The following TNRC6A variants were observed in gnomAD, a reference collection of about 807,000 sequenced individuals.
The protein encoded by TNRC6A is trinucleotide repeat containing adaptor 6A.
Under a neutral mutation model 221.2 loss-of-function variants are expected in TNRC6A, and 44 were observed. That is an observed-to-expected ratio of 0.20 (90% CI 0.16 to 0.26). The LOEUF is 0.26. TNRC6A is among the 10% of genes least tolerant of loss of function. The pLI is 1.00. For missense variants in TNRC6A, 2,199 were observed against 2,404.4 expected, an observed-to-expected ratio of 0.91 and a Z score of 1.79; for synonymous variants, 847 against 838.5, an observed-to-expected ratio of 1.01 and a Z score of -0.18.
In TNRC6A at chr16:24,816,953, A is replaced by G; in HGVS notation, c.4969A>G (p.Ser1657Gly). 2 of 1,612,682 alleles carry G rather than the reference A, an allele frequency of 1.2e-6. No homozygotes were observed. The highest frequency in any genetic ancestry group is 1.7e-6 in the Non-Finnish European group (2 of 1,179,552). The change falls in exon 20 of 25, where the codon AGT becomes GGT. Residue 1657 changes from serine to glycine, a missense_variant. Coordinates refer to ENST00000395799, the MANE Select transcript of TNRC6A (RefSeq NM_014494.4). Reference protein sequence around the residue: ...REVDHLRDRNSGSSSSLNTTL... With the variant: ...REVDHLRDRNGGSSSSLNTTL... ...AGTTGACCACCTCAGGGACAGGAAC[A>G]GTGGTACGTAGGGGGTGCAAATCAA...
At chr16:24,681,228 T>C (rs986141221) in intron 2 of TNRC6A, among the ~76,000 whole-genome samples, 1 of 152,130 alleles carries the variant, frequency 6.6e-6, no homozygotes, top group Non-Finnish European at 1.5e-5. Context: ...TAACTTGGTG[T>C]TTTTTGTTTG....
At chr16:24,712,823 G>A (rs115607349) in intron 2 of TNRC6A, among the ~76,000 whole-genome samples, 4,566 of 151,948 alleles carry the variant, frequency 0.03, 235 homozygotes, top group African/African-American at 0.1. Flanking sequence ...GCACAAACAC[G>A]GCTAACTGCA....
intron 5 of TNRC6A, chr16:24,778,383 C>A: frequency 1.0e-6 from 1 of 984,330 alleles, no homozygotes; most frequent in African/African-American, 1.7e-5. Context: ...CAAGATCTGT[C>A]TGACTCCAAA....
chr16:24,806,752 C>T lies in TNRC6A; in HGVS notation c.4508C>T (p.Ser1503Leu). ...HTTPELQKGP[S>L]PINAFSNFPI... ...ACACCTGAGCTGCAAAAAGGGCCAT[C>T]ACCAATAAATGCTTTCAGCAACTTC... Residue 1503 changes from serine (S) to leucine (L), a missense_variant, in exon 17 of 25, where the codon TCA becomes TTA. Physicochemically the swap from Ser to Leu is moderately radical, Grantham distance 145 (BLOSUM62 -2). Transcript: ENST00000395799. 2 of 1,614,198 alleles carry T rather than the reference C, an allele frequency of 1.2e-6. No homozygotes were observed. Among genetic ancestry groups the T allele is most frequent in the South Asian group, 2.2e-5 (2 of 91,084 alleles).
chr16:24,702,389 G>C (rs545318567), intron 2 of TNRC6A, among the ~76,000 whole-genome samples: 1 of 151,728 alleles, frequency 6.6e-6, no homozygotes, highest in African/African-American at 2.4e-5. Flanking sequence ...TGTTGCCTAA[G>C]CTTGTCTTGA....
chr16:24,683,435 C>T (rs763631205), intron 2 of TNRC6A, among the ~76,000 whole-genome samples: 4 of 152,112 alleles, frequency 2.6e-5, no homozygotes, highest in African/African-American at 4.8e-5. Flanking sequence ...TGTGCTCAAG[C>T]GATCCTCCCA....
At chr16:24,792,809 G>T (rs2058138037) in intron 6 of TNRC6A, among the ~76,000 whole-genome samples, 1 of 135,322 alleles carries the variant, frequency 7.4e-6, no homozygotes. Flanking sequence ...TTTTTTTGGA[G>T]ATGGAGGCTT....
chr16:24,779,493 C>G (rs1420184389), intron 5 of TNRC6A, among the ~76,000 whole-genome samples: 1 of 152,062 alleles, frequency 6.6e-6, no homozygotes, highest in African/African-American at 2.4e-5. Flanking sequence ...CAAAATAGAC[C>G]AGGAGAGTCA....
At position 24,822,939 on chromosome 16, in the gene TNRC6A, C is replaced by T. The variant is rs200242590; in HGVS notation, c.5439C>T (p.Asn1813=). The T allele has an allele frequency of 1.5e-5, 24 of 1,614,232 alleles. No homozygotes were observed. The highest frequency in any genetic ancestry group is 1.8e-5 in the Non-Finnish European group (21 of 1,180,050). ...QHGPLITFHL[N]LPHGNALVRY... The stretch of plus-strand genomic sequence containing the variant: ...GCCCGCTGATCACATTCCACCTGAA[C>T]CTCCCTCACGGAAATGCTCTGGTCC... The change falls in exon 24 of 25, where the codon AAC becomes AAT. Residue 1813 remains asparagine (N), a synonymous_variant. Coordinates refer to ENST00000395799, the MANE Select transcript of TNRC6A (RefSeq NM_014494.4).
At chr16:24,748,556 CT>C (rs1043123619) in intron 2 of TNRC6A, among the ~76,000 whole-genome samples, 7 of 152,288 alleles carry the variant, frequency 4.6e-5, no homozygotes, top group Non-Finnish European at 8.8e-5. Flanking sequence ...TTATCATACT[CT>C]TCTTCCAGTT....
At chr16:24,677,497 T>A (rs1161211544) in intron 2 of TNRC6A, among the ~76,000 whole-genome samples, 1 of 152,108 alleles carries the variant, frequency 6.6e-6, no homozygotes, top group Admixed American at 6.6e-5. Context: ...TGGAAAGGCA[T>A]CAGAATCTAC....
At chr16:24,645,226 C>A (rs893380026) in intron 2 of TNRC6A, among the ~76,000 whole-genome samples, 13 of 151,338 alleles carry the variant, frequency 8.6e-5, no homozygotes, top group Non-Finnish European at 1.5e-4. Context: ...TCTGTCCAGG[C>A]TGGGCACAGT....
chr16:24,761,598 G>T (rs1244943644), intron 4 of TNRC6A, among the ~76,000 whole-genome samples: 5 of 151,940 alleles, frequency 3.3e-5, no homozygotes, highest in Non-Finnish European at 7.4e-5. Flanking sequence ...TCGCTCTGGA[G>T]TGTAGTGCAC....
intron 2 of TNRC6A, among the ~76,000 whole-genome samples, chr16:24,648,437 AT>A (rs764987991): frequency 9.9e-5 from 15 of 151,686 alleles, no homozygotes; most frequent in Non-Finnish European, 2.1e-4. Flanking sequence ...CGCCTGGCTA[AT>A]TTTTTGTATT....
intron 5 of TNRC6A, among the ~76,000 whole-genome samples, chr16:24,781,234 T>A (rs2057839164): frequency 6.6e-6 from 1 of 151,618 alleles, no homozygotes; most frequent in Non-Finnish European, 1.5e-5. Flanking sequence ...AATTTTTGTG[T>A]GTTTTGTAGA....
intron 2 of TNRC6A, among the ~76,000 whole-genome samples, chr16:24,687,940 TTTTCTTTTC>T: frequency 7.7e-6 from 1 of 130,616 alleles, no homozygotes; most frequent in East Asian, 2.1e-4. Flanking sequence ...TTTTCTTTTC[TTTTCTTTTC>T]TTTTCTTTTT....
chr16:24,668,663 C>T (rs752294082), intron 2 of TNRC6A, among the ~76,000 whole-genome samples: 10 of 152,178 alleles, frequency 6.6e-5, no homozygotes, highest in Non-Finnish European at 1.2e-4. Context: ...ACTTCTTACC[C>T]TGCCTTTCCC....
chr16:24,615,714 T>C (rs1052175211), intron 1 of TNRC6A, among the ~76,000 whole-genome samples: 7 of 152,198 alleles, frequency 4.6e-5, no homozygotes, highest in African/African-American at 1.7e-4. Flanking sequence ...GAGTGCTTAC[T>C]GAGAACCCAG....
chr16:24,765,501 G>C (rs2151576578), intron 4 of TNRC6A, among the ~76,000 whole-genome samples: 1 of 152,284 alleles, frequency 6.6e-6, no homozygotes, highest in African/African-American at 2.4e-5. Context: ...TAGTAGAAAT[G>C]ATTTTTGTGT....
Sources: gnomAD v4.1 joint callset for allele counts (sites outside exome capture counted in the v4.1 genomes callset) on GRCh38, gnomAD v4.1.1 for gene constraint, MANE v1.5 for transcripts, NCBI Gene and HGNC (gene_info 2026-07-23, HGNC 2026-07-21) for gene names.